ZNF100: variants seen among roughly 807,000 people sequenced by gnomAD.
The protein encoded by ZNF100 is zinc finger protein 100.
In ZNF100, 12 loss-of-function variants were observed where a neutral mutation model predicts 15.8. The ratio of observed to expected loss-of-function variants is 0.76; its 90% CI spans 0.49 to 1.23. The LOEUF (loss-of-function observed/expected upper bound fraction) is 1.23, where lower values mean the gene tolerates loss of function less well. Ranked by LOEUF, ZNF100 falls within the 50% of genes most tolerant of loss-of-function variation. ZNF100 has a pLI of 0.00. For missense variants in ZNF100, 670 were observed against 635.6 expected, an observed-to-expected ratio of 1.05 and a Z score of -0.58; for synonymous variants, 226 against 214.8, an observed-to-expected ratio of 1.05 and a Z score of -0.45.
At chr19:21,738,874 G>C (rs977617950) in intron 4 of ZNF100, among the ~76,000 whole-genome samples, 1 of 152,104 alleles carries the variant, frequency 6.6e-6, no homozygotes, top group African/African-American at 2.4e-5. Context: ...GAATCAGGGA[G>C]GTGGAAGTTG....
chr19:21,764,927 T>A (rs2036535970), intron 2 of ZNF100, among the ~76,000 whole-genome samples: 1 of 152,190 alleles, frequency 6.6e-6, no homozygotes, highest in Admixed American at 6.5e-5. Flanking sequence ...TGGAAATGTA[T>A]TCATTTTCCA....
intron 4 of ZNF100, among the ~76,000 whole-genome samples, chr19:21,730,736 A>T (rs867965661): frequency 6.6e-6 from 1 of 152,182 alleles, no homozygotes; most frequent in Non-Finnish European, 1.5e-5. Flanking sequence ...TCTCCTTAAT[A>T]GACCACATGT....
chr19:21,766,770 G>A (rs1453558448), intron 1 of ZNF100, among the ~76,000 whole-genome samples: 1 of 152,054 alleles, frequency 6.6e-6, no homozygotes, highest in Non-Finnish European at 1.5e-5. Flanking sequence ...AAGGCGGGCG[G>A]ATCACGAGGT....
chr19:21,745,781 C>G (rs2036203298), intron 2 of ZNF100, among the ~76,000 whole-genome samples: 3 of 152,186 alleles, frequency 2.0e-5, no homozygotes, highest in Admixed American at 6.5e-5. Context: ...CTCGGCCTCC[C>G]AAAGTGCTGG....
chr19:21,759,929 T>C (rs188809805), intron 2 of ZNF100, among the ~76,000 whole-genome samples: 238 of 152,328 alleles, frequency 1.6e-3, no homozygotes, highest in African/African-American at 5.2e-3. Context: ...ACGCCTGTAA[T>C]CTCAGCACTT....
chr19:21,767,296 G>C, intron 1 of ZNF100, 131 bp downstream of exon 1: 4 of 1,509,786 alleles, frequency 2.6e-6, no homozygotes, highest in South Asian at 1.2e-5. Flanking sequence ...GAAGGGGACG[G>C]AGGCCGAGCT....
In ZNF100 at chr19:21,730,445, A is replaced by AGAGTGTGTGTGT. The variant is rs71178761; in HGVS notation, c.323-2457_323-2456insACACACACACTC. Among the ~76,000 whole-genome samples the AGAGTGTGTGTGT allele has an allele frequency of 3.9e-3, 573 of 147,706 alleles. 11 individuals carry two copies. In the East Asian group the frequency reaches 0.053, roughly 14 times the overall value. ...AATAGATTCATTTACTGATAACCTA[A>AGAGTGTGTGTGT]GTGTGTGTGTGTGTGTGTGTGTGTG... is the stretch of plus-strand genomic sequence containing the variant. On this transcript the variant is annotated intron_variant, in intron 4 of 4. Coordinates refer to ENST00000358296, the MANE Select transcript of ZNF100 (RefSeq NM_173531.4).
intron 2 of ZNF100, among the ~76,000 whole-genome samples, chr19:21,760,383 T>C (rs2036462504): frequency 6.6e-6 from 1 of 151,398 alleles, no homozygotes; most frequent in Non-Finnish European, 1.5e-5. Context: ...TAATCCTAGC[T>C]AGTTGGGAGG....
chr19:21,727,436 T>C lies in ZNF100; in HGVS notation c.876A>G (p.Glu292=). 6 of 1,613,112 alleles carry C rather than the reference T, an allele frequency of 3.7e-6. No homozygotes were observed. Among genetic ancestry groups the C allele is most frequent in the Non-Finnish European group, 5.1e-6 (6 of 1,179,714 alleles). The change falls in exon 5 of 5, where the codon GAA becomes GAG. Residue 292 remains glutamate (E), a synonymous_variant. Coordinates refer to ENST00000358296, the MANE Select transcript of ZNF100 (RefSeq NM_173531.4). The part of the protein sequence containing the change: ...IHTGEKPYRC[E]ECGKAFNRSS... ...ACCGGTTAAAAGCTTTCCCACATTCTTCACATCTGTATGGTTTCTCTCCAG... is the reference window on the plus strand; with the variant it reads ...ACCGGTTAAAAGCTTTCCCACATTCCTCACATCTGTATGGTTTCTCTCCAG...
At chr19:21,751,796 C>T in intron 2 of ZNF100, 3 of 1,210,614 alleles carry the variant, frequency 2.5e-6, no homozygotes, top group Admixed American at 2.2e-5. Context: ...AGAAAGAGCA[C>T]AGAACCTAGA....
At chr19:21,742,250 T>C (rs1314476667) in intron 4 of ZNF100, among the ~76,000 whole-genome samples, 1 of 150,648 alleles carries the variant, frequency 6.6e-6, no homozygotes, top group Non-Finnish European at 1.5e-5. Flanking sequence ...TGAGCCGAGA[T>C]TGCGCTATTG....
At chr19:21,743,851 GCCAAAAAAAAAAAAAAAAAAAAAGC>G (rs1422074623) in intron 4 of ZNF100, among the ~76,000 whole-genome samples, 141 bp downstream of exon 4, 1 of 20,450 alleles carries the variant, frequency 4.9e-5, no homozygotes, top group Non-Finnish European at 9.7e-5. Flanking sequence ...CTACGTGACA[GCCAAAAAAAAAAAAAAAAAAAAAGC>G]CCAAAAAACA....
intron 2 of ZNF100, among the ~76,000 whole-genome samples, chr19:21,745,744 G>A (rs1473426981): frequency 6.6e-6 from 1 of 151,880 alleles, no homozygotes. Flanking sequence ...GGATGGTCTC[G>A]ATCTCCTGAC....
rs2035723374 is a variant in ZNF100 at position 21,723,765 on chromosome 19, T to C, written c.*2918A>G. On this transcript the variant is annotated 3_prime_UTR_variant, in exon 5 of 5. Coordinates refer to ENST00000358296, the MANE Select transcript of ZNF100 (RefSeq NM_173531.4). Reference sequence around the variant, plus strand: ...AGAACTGTCATGTATGTTTGCTACATTTAAATATAAAAACATCCTCACGAC... The same window carrying C: ...AGAACTGTCATGTATGTTTGCTACACTTAAATATAAAAACATCCTCACGAC... The C allele has an allele frequency of 6.6e-6, 1 of 152,190 alleles. No homozygotes were observed. Among genetic ancestry groups the C allele is most frequent in the Admixed American group, 6.5e-5 (1 of 15,272 alleles). The allele number at this position is 152,190 out of a possible 1,614,324, so 9.4% of individuals were successfully genotyped here. A position where few individuals can be genotyped will look rare whatever the true frequency, so the allele number is the denominator to read the frequency against.
intron 4 of ZNF100, among the ~76,000 whole-genome samples, chr19:21,742,031 C>A (rs1283397282): frequency 6.6e-6 from 1 of 151,904 alleles, no homozygotes. Context: ...GCGCGGTGGC[C>A]CATGCTGTAA....
intron 2 of ZNF100, among the ~76,000 whole-genome samples, chr19:21,747,084 G>A (rs902688849): frequency 2.0e-5 from 3 of 152,010 alleles, no homozygotes; most frequent in East Asian, 1.9e-4. Context: ...CTCCTTTCCT[G>A]TCTCAGGTGC....
rs138129596 is a variant in ZNF100 at position 21,736,376 on chromosome 19, A to G, written c.322+7641T>C. On this transcript the variant is annotated intron_variant, in intron 4 of 4. Coordinates refer to ENST00000358296, the MANE Select transcript of ZNF100 (RefSeq NM_173531.4). ...CTGGCATTACAGGCATGAGCCACAC[A>G]TCCAGCCAGCACTCAGATTTATAAA... Among the ~76,000 whole-genome samples the G allele has an allele frequency of 5.7e-3, 874 of 152,284 alleles. 12 individuals are homozygous for G. The highest frequency in any genetic ancestry group is 0.02 in the African/African-American group (843 of 41,562).
At chr19:21,737,118 AAAAAT>A (rs1237013070) in intron 4 of ZNF100, among the ~76,000 whole-genome samples, 6 of 152,118 alleles carry the variant, frequency 3.9e-5, no homozygotes, top group Non-Finnish European at 7.3e-5. Context: ...GCTGTTTAAA[AAAAAT>A]AAAATAAAAG....
At chr19:21,737,377 TA>T (rs1212382722) in intron 4 of ZNF100, among the ~76,000 whole-genome samples, 1 of 150,240 alleles carries the variant, frequency 6.7e-6, no homozygotes. Context: ...AATAAAAAAA[TA>T]AAAAAAATTA....
Sources: allele counts gnomAD v4.1 joint callset (sites outside exome capture counted in the v4.1 genomes callset), GRCh38; gene constraint gnomAD v4.1.1; transcripts MANE v1.5; gene names NCBI Gene and HGNC (gene_info 2026-07-23, HGNC 2026-07-21).